Variants in AMBN observed in about 807,000 individuals in gnomAD.
AMBN encodes ameloblastin, also known as enamel matrix protein.
AMBN carries 54 observed loss-of-function variants against 48.0 expected under a neutral mutation model. The ratio of observed to expected loss-of-function variants is 1.12; its 90% CI spans 0.90 to 1.41. The LOEUF (loss-of-function observed/expected upper bound fraction) is 1.41, where lower values mean the gene tolerates loss of function less well. Ranked by LOEUF, AMBN falls within the 40% of genes most tolerant of loss-of-function variation. AMBN has a pLI of 0.00. For synonymous variants in AMBN, 186 were observed against 190.0 expected, an observed-to-expected ratio of 0.98 and a Z score of 0.17; for missense variants, 571 against 547.3, an observed-to-expected ratio of 1.04 and a Z score of -0.43.
Position 70,602,841 on chromosome 4 carries a change from G to T in AMBN, c.609+5G>T. On this transcript the variant is annotated splice_donor_5th_base_variant and intron_variant, in intron 8 of 12. Coordinates refer to ENST00000322937, the MANE Select transcript of AMBN (RefSeq NM_016519.6). ...CCTGATCCACAAGGTCCATCAGTAA[G>T]TACAGATCTCAGTGAGACACTTCTA... 1 of 1,589,522 alleles carries T rather than the reference G, an allele frequency of 6.3e-7. No homozygotes were observed. The highest frequency in any genetic ancestry group is 8.6e-7 in the Non-Finnish European group (1 of 1,166,098).
intron 2 of AMBN, among the ~76,000 whole-genome samples, chr4:70,596,178 T>C (rs765131383): frequency 2.7e-5 from 4 of 150,902 alleles, no homozygotes; most frequent in Non-Finnish European, 5.9e-5. Context: ...TAATCCCAGC[T>C]ACTTGGGAGG....
chr4:70,598,452 A>G, intron 4 of AMBN, 49 bp downstream of exon 4: 1 of 1,430,604 alleles, frequency 7.0e-7, no homozygotes, highest in Non-Finnish European at 9.6e-7. Context: ...TAGTGTTAAT[A>G]TTAGCAGCAG....
At chr4:70,596,148 G>A (rs970828532) in intron 2 of AMBN, among the ~76,000 whole-genome samples, 2 of 151,914 alleles carry the variant, frequency 1.3e-5, no homozygotes, top group African/African-American at 4.8e-5. Context: ...AAATTAGCCG[G>A]GCTTGGTGGT....
At chr4:70,598,508 G>C in intron 4 of AMBN, 105 bp downstream of exon 4, 1 of 890,556 alleles carries the variant, frequency 1.1e-6, no homozygotes. Context: ...ATATACTAAA[G>C]ATTGGAAGAA....
At chr4:70,596,302 T>C (rs72654383) in intron 2 of AMBN, among the ~76,000 whole-genome samples, 16,939 of 147,086 alleles carry the variant, frequency 0.12, 1,368 homozygotes, top group South Asian at 0.22. Flanking sequence ...AAAAGGAAAA[T>C]ATCTTACATT....
At chr4:70,592,458 T>C in intron 1 of AMBN, 85 bp downstream of exon 1, 1 of 1,447,096 alleles carries the variant, frequency 6.9e-7, no homozygotes, top group African/African-American at 1.4e-5. Flanking sequence ...AGAGGATTTA[T>C]CTTCATTTGT....
At position 70,593,411 on chromosome 4, in the gene AMBN, G is replaced by A; in HGVS notation, c.84+16G>A. On this transcript the variant is annotated intron_variant, in intron 2 of 12. Coordinates refer to ENST00000322937, the MANE Select transcript of AMBN (RefSeq NM_016519.6). ...TGCAGTGCCGGTAAGTCAGTCTTTA[G>A]AGTGTGTCCCAGAAAAGGTTATTGA... The A allele has an allele frequency of 1.3e-6, 2 of 1,599,926 alleles. No homozygotes were observed. Among genetic ancestry groups the A allele is most frequent in the South Asian group, 2.2e-5 (2 of 90,650 alleles).
chr4:70,592,316 G>A lies in AMBN; in HGVS notation c.-43G>A, dbSNP rs376598317. The A allele has an allele frequency of 4.3e-6, 7 of 1,611,998 alleles. No homozygotes were observed. In the African/African-American group the frequency reaches 8.0e-5, roughly 18 times the overall value. On this transcript the variant is annotated 5_prime_UTR_variant, in exon 1 of 13. Coordinates refer to ENST00000322937, the MANE Select transcript of AMBN (RefSeq NM_016519.6). ...AAAAAATTTTAATCTTCTTTTCTTA[G>A]AACTATCTTGGTTGGCATCATCAGG...
At chr4:70,605,956 C>T (rs200708176) in intron 12 of AMBN, among the ~76,000 whole-genome samples, 3 of 145,494 alleles carry the variant, frequency 2.1e-5, no homozygotes. Context: ...CTGTTATCTC[C>T]CTTTTACGGA....
At chr4:70,595,740 A>G (rs1379461518) in intron 2 of AMBN, among the ~76,000 whole-genome samples, 1 of 152,040 alleles carries the variant, frequency 6.6e-6, no homozygotes, top group East Asian at 1.9e-4. Context: ...AGAACCAGAG[A>G]CTCTCAAAAT....
At chr4:70,603,238 T>C (rs746787053) in intron 9 of AMBN, 22 bp from the exon 10 acceptor site, 17 of 1,608,198 alleles carry the variant, frequency 1.1e-5, no homozygotes, top group African/African-American at 2.7e-5. Context: ...GAATTACTTA[T>C]TCTGTTTTCT....
At chr4:70,598,010 A>T (rs1354000739) in intron 3 of AMBN, among the ~76,000 whole-genome samples, 2 of 152,162 alleles carry the variant, frequency 1.3e-5, no homozygotes, top group Non-Finnish European at 2.9e-5. Context: ...GGGCAAAGTA[A>T]ATTAAATGGG....
At chr4:70,592,832 G>A (rs996139857) in intron 1 of AMBN, among the ~76,000 whole-genome samples, 1 of 152,132 alleles carries the variant, frequency 6.6e-6, no homozygotes, top group South Asian at 2.1e-4. Flanking sequence ...TGGTTACGTA[G>A]ATTACCTAAA....
At chr4:70,600,411 A>G (rs1453765848) in intron 5 of AMBN, among the ~76,000 whole-genome samples, 1 of 152,212 alleles carries the variant, frequency 6.6e-6, no homozygotes, top group Non-Finnish European at 1.5e-5. Context: ...CCTAATAAAT[A>G]CATAAACCAA....
intron 1 of AMBN, among the ~76,000 whole-genome samples, chr4:70,592,909 A>C (rs1229697768): frequency 6.6e-6 from 1 of 152,202 alleles, no homozygotes; most frequent in East Asian, 1.9e-4. Flanking sequence ...GTTGCATTAC[A>C]TTTCACATGC....
intron 2 of AMBN, 60 bp from the exon 3 acceptor site, chr4:70,596,939 A>G: frequency 2.0e-6 from 3 of 1,479,898 alleles, no homozygotes; most frequent in East Asian, 4.5e-5. Context: ...CCTACGCCCA[A>G]TGGGCATTGA....
At chr4:70,605,014 G>T (rs1242530801) in intron 12 of AMBN, among the ~76,000 whole-genome samples, 2 of 150,372 alleles carry the variant, frequency 1.3e-5, no homozygotes, top group African/African-American at 4.9e-5. Context: ...AAAAAGTCTT[G>T]TTTTCAAGGA....
intron 2 of AMBN, among the ~76,000 whole-genome samples, chr4:70,593,863 TAAAA>T (rs5859239): frequency 3.6e-5 from 5 of 138,268 alleles, no homozygotes; most frequent in Admixed American, 7.3e-5. Flanking sequence ...AGACTCCATT[TAAAA>T]AAAAAAAAAA....
At chr4:70,605,766 A>C (rs1737627852) in intron 12 of AMBN, among the ~76,000 whole-genome samples, 1 of 152,200 alleles carries the variant, frequency 6.6e-6, no homozygotes, top group Non-Finnish European at 1.5e-5. Context: ...AAAAGAAAAA[A>C]AAAGTACATG....
Sources: allele counts gnomAD v4.1 joint callset (sites outside exome capture counted in the v4.1 genomes callset), GRCh38; gene constraint gnomAD v4.1.1; transcripts MANE v1.5; gene names NCBI Gene and HGNC (gene_info 2026-07-23, HGNC 2026-07-21).